Variants in SPOCK3 observed in about 807,000 individuals in gnomAD.
The protein encoded by SPOCK3 is SPARC (osteonectin), cwcv and kazal like domains proteoglycan 3, also known as testican-3.
Under a neutral mutation model 56.6 loss-of-function variants are expected in SPOCK3, and 30 were observed. The ratio of observed to expected loss-of-function variants is 0.53; its 90% CI spans 0.40 to 0.72. The LOEUF is 0.72. Among genes scored for constraint, SPOCK3 ranks in the 30% least tolerant of loss-of-function variants. The pLI, the probability that SPOCK3 is intolerant of heterozygous loss-of-function variation, is 0.00. For synonymous variants in SPOCK3, 196 were observed against 183.3 expected (o/e 1.07, Z -0.56); for missense variants, 527 against 530.0 (o/e 0.99, Z 0.06).
intron 2 of SPOCK3, among the ~76,000 whole-genome samples, chr4:167,160,408 A>G (rs964659634): frequency 3.3e-5 from 5 of 152,156 alleles, no homozygotes; most frequent in African/African-American, 1.2e-4. Flanking sequence ...AAACAAATGG[A>G]AGAACATTCC....
At chr4:166,737,088 A>G (rs1734287591) in intron 10 of SPOCK3, among the ~76,000 whole-genome samples, 1 of 152,086 alleles carries the variant, frequency 6.6e-6, no homozygotes, top group Non-Finnish European at 1.5e-5. Context: ...TACCATCTCC[A>G]GAGGTATACA....
At chr4:167,166,283 C>T (rs1172347049) in intron 2 of SPOCK3, among the ~76,000 whole-genome samples, 1 of 152,088 alleles carries the variant, frequency 6.6e-6, no homozygotes, top group Non-Finnish European at 1.5e-5. Context: ...CAGTACCTAA[C>T]ATTCCAAGAA....
chr4:167,117,356 C>A (rs1761512947), intron 2 of SPOCK3, among the ~76,000 whole-genome samples: 1 of 152,094 alleles, frequency 6.6e-6, no homozygotes, highest in Non-Finnish European at 1.5e-5. Flanking sequence ...CCTACCAATT[C>A]TTTTCCACAG....
At chr4:166,903,244 G>A (rs548342295) in intron 5 of SPOCK3, among the ~76,000 whole-genome samples, 2 of 151,432 alleles carry the variant, frequency 1.3e-5, no homozygotes, top group Admixed American at 1.3e-4. Context: ...TTAGACGTTT[G>A]AATTAATAAT....
intron 2 of SPOCK3, among the ~76,000 whole-genome samples, chr4:167,203,486 C>T (rs1296919078): frequency 6.6e-6 from 1 of 151,338 alleles, no homozygotes; most frequent in Non-Finnish European, 1.5e-5. Context: ...GAATGTATGA[C>T]CCAATATTTG....
chr4:166,855,381 C>T (rs1345715004), intron 6 of SPOCK3, among the ~76,000 whole-genome samples: 1 of 127,310 alleles, frequency 7.9e-6, no homozygotes, highest in Non-Finnish European at 1.9e-5. Context: ...AGAGACAAAG[C>T]GACTCTATTT....
intron 2 of SPOCK3, among the ~76,000 whole-genome samples, chr4:167,062,882 T>A (rs545257360): frequency 6.6e-6 from 1 of 151,966 alleles, no homozygotes; most frequent in African/African-American, 2.4e-5. Flanking sequence ...ATTCAGTGCA[T>A]AATATAACAT....
intron 2 of SPOCK3, among the ~76,000 whole-genome samples, chr4:167,153,893 G>C (rs2150421601): frequency 1.2e-5 from 1 of 86,144 alleles, no homozygotes; most frequent in East Asian, 3.5e-4. Flanking sequence ...ACAAGACATA[G>C]GTAGATTTCA....
At chr4:166,820,643 G>A (rs1217285006) in intron 6 of SPOCK3, among the ~76,000 whole-genome samples, 1 of 151,804 alleles carries the variant, frequency 6.6e-6, no homozygotes, top group African/African-American at 2.4e-5. Flanking sequence ...TGGGCAACAT[G>A]GCAAAACCCC....
chr4:166,840,797 T>TTTTTTTTTTTTTTG (rs1245413169), intron 6 of SPOCK3, among the ~76,000 whole-genome samples: 1 of 130,478 alleles, frequency 7.7e-6, no homozygotes, highest in Non-Finnish European at 1.7e-5. Context: ...TTTTTTTTTT[T>TTTTTTTTTTTTTTG]AGATGCAGTC....
chr4:166,843,661 T>C (rs892317175), intron 6 of SPOCK3, among the ~76,000 whole-genome samples: 2 of 152,198 alleles, frequency 1.3e-5, no homozygotes, highest in Non-Finnish European at 2.9e-5. Flanking sequence ...ATTGCAGCCT[T>C]GTGAGTACTC....
chr4:166,771,670 T>C (rs1738947011), intron 7 of SPOCK3, among the ~76,000 whole-genome samples: 1 of 152,090 alleles, frequency 6.6e-6, no homozygotes, highest in Admixed American at 6.6e-5. Context: ...CTGTTGCACA[T>C]CATATGTTTA....
chr4:167,028,643 C>T (rs1282416650), intron 3 of SPOCK3, among the ~76,000 whole-genome samples: 1 of 151,902 alleles, frequency 6.6e-6, no homozygotes, highest in Non-Finnish European at 1.5e-5. Flanking sequence ...TCCACTTGGA[C>T]TTAGTCATAT....
At chr4:167,231,534 C>T (rs1248050042) in intron 2 of SPOCK3, among the ~76,000 whole-genome samples, 1 of 152,010 alleles carries the variant, frequency 6.6e-6, no homozygotes, top group Non-Finnish European at 1.5e-5. Context: ...TCATGCAGAA[C>T]ATTTAAAGGT....
chr4:167,146,025 A>G (rs1763919569), intron 2 of SPOCK3, among the ~76,000 whole-genome samples: 1 of 152,156 alleles, frequency 6.6e-6, no homozygotes, highest in South Asian at 2.1e-4. Context: ...TAAATTGGAT[A>G]AAGGGTCAAG....
chr4:166,967,732 CA>C (rs1744897278), intron 4 of SPOCK3, among the ~76,000 whole-genome samples: 2 of 152,054 alleles, frequency 1.3e-5, no homozygotes, highest in African/African-American at 4.8e-5. Context: ...AGAAAATTGG[CA>C]AAAGGCATCT....
intron 2 of SPOCK3, among the ~76,000 whole-genome samples, chr4:167,150,479 G>A (rs1561268980): frequency 6.6e-6 from 1 of 152,092 alleles, no homozygotes; most frequent in African/African-American, 2.4e-5. Flanking sequence ...GTGATCAGAG[G>A]AAGAGATATC....
intron 4 of SPOCK3, among the ~76,000 whole-genome samples, chr4:166,938,282 C>G (rs886644900): frequency 2.0e-5 from 3 of 151,950 alleles, no homozygotes; most frequent in African/African-American, 7.3e-5. Context: ...GGTGTAAAAA[C>G]CGCTTGGGAA....
intron 6 of SPOCK3, among the ~76,000 whole-genome samples, chr4:166,873,799 G>A (rs1425105410): frequency 6.6e-6 from 1 of 152,082 alleles, no homozygotes; most frequent in Non-Finnish European, 1.5e-5. Flanking sequence ...AAGAACATAG[G>A]TTGGTAGTTG....
Sources: gnomAD v4.1 joint callset for allele counts (sites outside exome capture counted in the v4.1 genomes callset) on GRCh38, gnomAD v4.1.1 for gene constraint, MANE v1.5 for transcripts, NCBI Gene and HGNC (gene_info 2026-07-23, HGNC 2026-07-21) for gene names.